Variants in THEMIS observed in about 807,000 individuals in gnomAD.
THEMIS encodes the protein thymocyte selection associated.
A neutral mutation model predicts 52.6 loss-of-function variants in THEMIS; 37 were observed. The observed-to-expected ratio is 0.70, with a 90% confidence interval of 0.54 to 0.93. The LOEUF is 0.93. Among genes scored for constraint, THEMIS ranks in the 40% least tolerant of loss-of-function variants. The pLI is 0.00. For missense variants in THEMIS, 808 were observed against 763.1 expected, an observed-to-expected ratio of 1.06 and a Z score of -0.69; for synonymous variants, 292 against 272.7, an observed-to-expected ratio of 1.07 and a Z score of -0.70.
At chr6:127,738,909 T>G (rs1395936652) in intron 4 of THEMIS, among the ~76,000 whole-genome samples, 3 of 152,184 alleles carry the variant, frequency 2.0e-5, no homozygotes, top group Non-Finnish European at 4.4e-5. Context: ...TGTATTATAT[T>G]AGTTTCCTAG....
chr6:127,722,759 G>C (rs1451689994), intron 4 of THEMIS, among the ~76,000 whole-genome samples: 2 of 151,926 alleles, frequency 1.3e-5, no homozygotes, highest in African/African-American at 4.8e-5. Flanking sequence ...TCGTCTAACT[G>C]TGTGCCGTCT....
chr6:127,871,491 GA>G (rs1311235490), intron 1 of THEMIS, among the ~76,000 whole-genome samples: 1 of 150,846 alleles, frequency 6.6e-6, no homozygotes, highest in Non-Finnish European at 1.5e-5. Flanking sequence ...AAAAGAAACA[GA>G]AAAAAATAAA....
chr6:127,757,268 C>G (rs1351049733), intron 4 of THEMIS, among the ~76,000 whole-genome samples: 9 of 152,138 alleles, frequency 5.9e-5, no homozygotes, highest in Non-Finnish European at 2.9e-5. Context: ...GGCAATGTAT[C>G]TAAGCCTTGG....
intron 4 of THEMIS, among the ~76,000 whole-genome samples, chr6:127,769,939 A>G (rs370010539): frequency 1.3e-5 from 2 of 152,336 alleles, no homozygotes; most frequent in Non-Finnish European, 2.9e-5. Flanking sequence ...ATGTCCCTAC[A>G]AAGGACATGA....
chr6:127,782,793 C>T (rs563603380), intron 4 of THEMIS, among the ~76,000 whole-genome samples: 9 of 152,100 alleles, frequency 5.9e-5, no homozygotes, highest in African/African-American at 1.9e-4. Flanking sequence ...GAATCAATAT[C>T]GTAAAAATGG....
intron 3 of THEMIS, 115 bp downstream of exon 3, chr6:127,829,361 A>T: frequency 1.2e-6 from 1 of 809,458 alleles, no homozygotes; most frequent in African/African-American, 1.7e-5. Context: ...TCTAACTCTC[A>T]CAGGCTCAAT....
intron 4 of THEMIS, among the ~76,000 whole-genome samples, chr6:127,789,784 C>T (rs1354712105): frequency 1.3e-5 from 2 of 152,128 alleles, no homozygotes; most frequent in African/African-American, 4.8e-5. Flanking sequence ...ACACATGATT[C>T]TCTCAGTAGA....
chr6:127,892,692 G>A (rs1048154237), intron 1 of THEMIS, among the ~76,000 whole-genome samples: 1 of 152,018 alleles, frequency 6.6e-6, no homozygotes, highest in Non-Finnish European at 1.5e-5. Flanking sequence ...AATTTCTAGT[G>A]ATTGGATGTT....
At chr6:127,893,719 T>C (rs1780879566) in intron 1 of THEMIS, among the ~76,000 whole-genome samples, 1 of 152,116 alleles carries the variant, frequency 6.6e-6, no homozygotes, top group Admixed American at 6.6e-5. Flanking sequence ...GACATCAGCC[T>C]CTTTCAAATT....
Position 127,844,423 on chromosome 6 carries a change from G to A in THEMIS, c.250+10607C>T, listed in dbSNP as rs912004037. Among the ~76,000 whole-genome samples the A allele has an allele frequency of 4.0e-5, 6 of 151,892 alleles. No individual in the cohort carries two copies. The East Asian group carries it at 7.8e-4, about 20-fold the overall frequency. On this transcript the variant is annotated intron_variant, in intron 2 of 5. Transcript: ENST00000368248. ...ATTTCCTTCATGTCTGCTACCTCCC[G>A]AAACAAAATTCCTATACAGCAACAA...
rs552001920 is a variant in THEMIS, at chr6:127,830,071, T to C, written c.251-137A>G. 19 of 660,456 alleles carry C rather than the reference T, an allele frequency of 2.9e-5. No individual in the cohort carries two copies. In the East Asian group the frequency reaches 4.6e-4, roughly 16 times the overall value. 40.9% of individuals were successfully genotyped at this position (660,456 alleles called of 1,614,324 possible). ...TATCTTTTTAAAGATTAGAGATGCT[T>C]ATTTTAATCCAGAGTTCTTCTAGGT... On this transcript the variant is annotated intron_variant, in intron 2 of 5. Transcript: ENST00000368248.
chr6:127,906,216 T>C (rs1781266124), intron 1 of THEMIS, among the ~76,000 whole-genome samples: 1 of 151,326 alleles, frequency 6.6e-6, no homozygotes, highest in Non-Finnish European at 1.5e-5. Flanking sequence ...AGAAAGCTCA[T>C]GAAACTACAT....
At chr6:127,877,649 C>G (rs959023727) in intron 1 of THEMIS, among the ~76,000 whole-genome samples, 18 of 152,080 alleles carry the variant, frequency 1.2e-4, no homozygotes, top group Admixed American at 1.1e-3. Flanking sequence ...GCTCACTGTT[C>G]GTGGTGCCCC....
At chr6:127,850,126 C>T (rs1289258004) in intron 2 of THEMIS, among the ~76,000 whole-genome samples, 1 of 151,918 alleles carries the variant, frequency 6.6e-6, no homozygotes, top group African/African-American at 2.4e-5. Flanking sequence ...GAACAACAAA[C>T]ATATGAAAAA....
At chr6:127,798,917 G>A (rs1362903307) in intron 4 of THEMIS, among the ~76,000 whole-genome samples, 16 of 150,816 alleles carry the variant, frequency 1.1e-4, no homozygotes, top group Non-Finnish European at 2.1e-4. Flanking sequence ...GCGTGAACCC[G>A]GGAGGCGGAG....
chr6:127,871,322 C>T (rs1185979542), intron 1 of THEMIS, among the ~76,000 whole-genome samples: 1 of 151,810 alleles, frequency 6.6e-6, no homozygotes, highest in East Asian at 1.9e-4. Flanking sequence ...TATTTATATA[C>T]ACACACTGAA....
At chr6:127,867,923 AACAC>A (rs35052969) in intron 1 of THEMIS, among the ~76,000 whole-genome samples, 3 of 150,274 alleles carry the variant, frequency 2.0e-5, no homozygotes, top group Admixed American at 1.3e-4. Context: ...ATTACTATTA[AACAC>A]ACACACACAC....
In THEMIS at chr6:127,782,496, G is replaced by A. The variant is rs140427162; in HGVS notation, c.1758+30387C>T. Among the ~76,000 whole-genome samples the A allele has an allele frequency of 9.9e-5, 15 of 152,282 alleles. 1 individual carries two copies. In the East Asian group the frequency reaches 1.5e-3, roughly 16 times the overall value. ...ATGGGAAAAGCATAGTATCTGGGCC[G>A]GAATGCACCATTCCTCATGACACAG... On this transcript the variant is annotated intron_variant, in intron 4 of 5. Transcript: ENST00000368248.
At chr6:127,791,185 G>A (rs1777142516) in intron 4 of THEMIS, among the ~76,000 whole-genome samples, 1 of 152,220 alleles carries the variant, frequency 6.6e-6, no homozygotes, top group Non-Finnish European at 1.5e-5. Context: ...ATGCAGACAA[G>A]TAGAGGGTGA....
Sources: allele counts gnomAD v4.1 joint callset (sites outside exome capture counted in the v4.1 genomes callset), GRCh38; gene constraint gnomAD v4.1.1; transcripts MANE v1.5; gene names NCBI Gene and HGNC (gene_info 2026-07-23, HGNC 2026-07-21).